Variants in ADAM17 observed in about 807,000 individuals in gnomAD.
The protein encoded by ADAM17 is ADAM metallopeptidase domain 17, also known as disintegrin and metalloproteinase domain-containing protein 17.
ADAM17 carries 39 observed loss-of-function variants against 96.7 expected under a neutral mutation model. The observed-to-expected ratio is 0.40, with a 90% CI of 0.31 to 0.53. The LOEUF is 0.53. Among genes scored for constraint, ADAM17 ranks in the 20% least tolerant of loss-of-function variants. The pLI, the probability that ADAM17 is intolerant of heterozygous loss-of-function variation, is 0.44. For missense variants in ADAM17, 777 were observed against 1,013.2 expected, an observed-to-expected ratio of 0.77 and a Z score of 3.17; for synonymous variants, 344 against 359.2, an observed-to-expected ratio of 0.96 and a Z score of 0.48.
rs370037406 is a variant in ADAM17 at position 9,490,390 on chromosome 2, C to G, written c.2262G>C (p.Leu754=). The G allele has an allele frequency of 9.3e-6, 15 of 1,614,064 alleles. No individual in the cohort carries two copies. Among genetic ancestry groups the G allele is most frequent in the African/African-American group, 2.7e-5 (2 of 74,984 alleles). Residue 754 remains leucine (L), a synonymous_variant, in exon 19 of 19, where the codon CTG becomes CTC. Transcript: ENST00000310823. ...GGATGGTGTCCATTCTCTGGTGGTC[C>G]AGTTTTGGAGCTGCTGGCGCCGAAG... The part of the protein sequence containing the change: ...VIPSAPAAPK[L]DHQRMDTIQE...
In ADAM17 at chr2:9,518,129, T is replaced by C; in HGVS notation, c.1076A>G (p.Asn359Ser). ...GLAYVGSPRANSHGGVCPKAY... is the reference protein window; with the variant it reads ...GLAYVGSPRASSHGGVCPKAY... ...CTTTGGACAAACACCTCCATGGCTG[T>C]TTGCTCTGGGAGAGCCAACATAAGC... Residue 359 changes from asparagine (N) to serine (S), a missense_variant, in exon 9 of 19, where the codon AAC (asparagine) becomes AGC (serine). Asn to Ser is a conservative substitution (Grantham distance 46). This residue lies in a region of ADAM17 where 446 missense variants were observed against 664.7 expected (regional missense o/e 0.67). Coordinates refer to ENST00000310823, the MANE Select transcript of ADAM17 (RefSeq NM_003183.6). The C allele has an allele frequency of 3.8e-6, 6 of 1,598,044 alleles. No individual in the cohort carries two copies. Among genetic ancestry groups the C allele is most frequent in the Non-Finnish European group, 5.1e-6 (6 of 1,175,338 alleles).
In ADAM17 at chr2:9,520,215, G is replaced by A. The variant is rs1240959583; in HGVS notation, c.957+988C>T. Reference sequence around the variant, plus strand: ...AGCTGCTCCACTTGTGATAATTAAAGCAACAACAAGAAACTAATAAACTTG... The same window carrying A: ...AGCTGCTCCACTTGTGATAATTAAAACAACAACAAGAAACTAATAAACTTG... On this transcript the variant is annotated intron_variant, in intron 8 of 18. Coordinates refer to ENST00000310823, the MANE Select transcript of ADAM17 (RefSeq NM_003183.6). Among the ~76,000 whole-genome samples the A allele has an allele frequency of 4.6e-5, 7 of 152,232 alleles. No homozygotes were observed. The South Asian group carries it at 1.5e-3, about 32-fold the overall frequency.
chr2:9,547,702 G>A (rs1006628752), intron 1 of ADAM17, among the ~76,000 whole-genome samples: 2 of 152,140 alleles, frequency 1.3e-5, no homozygotes, highest in African/African-American at 4.8e-5. Flanking sequence ...GAAGGGCTAT[G>A]GAAGGAAATC....
intron 4 of ADAM17, among the ~76,000 whole-genome samples, chr2:9,528,388 A>G (rs960015453): frequency 6.6e-5 from 10 of 152,222 alleles, no homozygotes; most frequent in African/African-American, 1.9e-4. Context: ...CTTAATACTT[A>G]GGTGTTTGAC....
intron 13 of ADAM17, among the ~76,000 whole-genome samples, chr2:9,499,502 C>T (rs1268302125): frequency 6.6e-5 from 10 of 151,854 alleles, no homozygotes; most frequent in African/African-American, 1.2e-4. Flanking sequence ...CCCGGGTTCA[C>T]GCCATTCTCC....
At chr2:9,540,969 G>A (rs1665183208) in intron 2 of ADAM17, among the ~76,000 whole-genome samples, 2 of 152,240 alleles carry the variant, frequency 1.3e-5, no homozygotes, top group Non-Finnish European at 1.5e-5. Context: ...CTCTTTGGGA[G>A]GAAAGAGCAA....
At chr2:9,502,827 C>T (rs111433022) in intron 12 of ADAM17, among the ~76,000 whole-genome samples, 31,558 of 140,552 alleles carry the variant, frequency 0.22, 4,318 homozygotes, top group Middle Eastern at 0.32. Flanking sequence ...TGCAGTGAGC[C>T]GAGATCGCAC....
chr2:9,518,009 G>C lies in ADAM17; in HGVS notation c.1103-20C>G, dbSNP rs755982472. 1 of 1,582,262 alleles carries C rather than the reference G, an allele frequency of 6.3e-7. No individual in the cohort carries two copies. The highest frequency in any genetic ancestry group is 8.6e-7 in the Non-Finnish European group (1 of 1,168,238). On this transcript the variant is annotated intron_variant, in intron 9 of 18. Coordinates refer to ENST00000310823, the MANE Select transcript of ADAM17 (RefSeq NM_003183.6). ...AATAAGCTAAAGTCAAAAGGAAACA[G>C]AGATAAATTGCTTATTAAATACAGA...
At chr2:9,532,698 G>T (rs929122049) in intron 4 of ADAM17, among the ~76,000 whole-genome samples, 1 of 145,714 alleles carries the variant, frequency 6.9e-6, no homozygotes, top group Non-Finnish European at 1.5e-5. Context: ...ATATTGCCTG[G>T]GCTGGTCTCA....
In ADAM17 at chr2:9,497,096, G is replaced by C; in HGVS notation, c.1783+18C>G. 2.5e-6 allele frequency: 4 copies of C among 1,610,354 alleles called. No homozygotes were observed. Among genetic ancestry groups the C allele is most frequent in the Non-Finnish European group, 3.4e-6 (4 of 1,178,446 alleles). Reference sequence around the variant, plus strand: ...CCATGTTTTCTCCTGCTGCTGGACTGGGAATAAAACTGCTCACCATTACAT... The same window carrying C: ...CCATGTTTTCTCCTGCTGCTGGACTCGGAATAAAACTGCTCACCATTACAT... On this transcript the variant is annotated intron_variant, in intron 14 of 18. Coordinates refer to ENST00000310823, the MANE Select transcript of ADAM17 (RefSeq NM_003183.6).
In ADAM17 at chr2:9,507,802, C is replaced by T. The variant is rs141321772; in HGVS notation, c.1344+2177G>A. Among the ~76,000 whole-genome samples, 33 of 152,214 alleles carry T rather than the reference C, an allele frequency of 2.2e-4. No individual in the cohort carries two copies. In the East Asian group the frequency reaches 5.6e-3, roughly 26 times the overall value. ...TAGCACAACCTTGGCTCACTGCCGC[C>T]TTGAACTCCCCGGGTTCCTCCTACC... On this transcript the variant is annotated intron_variant, in intron 11 of 18. Transcript: ENST00000310823.
intron 17 of ADAM17, among the ~76,000 whole-genome samples, chr2:9,491,505 ACC>A (rs1662147134): frequency 6.6e-6 from 1 of 152,222 alleles, no homozygotes; most frequent in Admixed American, 6.5e-5. Context: ...GTACACCAGG[ACC>A]GCACTGACTG....
chr2:9,517,586 T>C lies in ADAM17; in HGVS notation c.1191+315A>G, dbSNP rs530900884. On this transcript the variant is annotated intron_variant, in intron 10 of 18. Coordinates refer to ENST00000310823, the MANE Select transcript of ADAM17 (RefSeq NM_003183.6). The stretch of plus-strand genomic sequence containing the variant: ...GAAAATAAGAGGGTGTGGGATGCCT[T>C]GAATGACAGCTGCACTGCAGGACTA... Among the ~76,000 whole-genome samples the C allele has an allele frequency of 2.0e-5, 3 of 152,236 alleles. No homozygotes were observed. The South Asian group carries it at 6.2e-4, about 32-fold the overall frequency.
At chr2:9,549,356 T>C (rs146190357) in intron 1 of ADAM17, among the ~76,000 whole-genome samples, 1,810 of 152,284 alleles carry the variant, frequency 0.012, 29 homozygotes, top group African/African-American at 0.037. Flanking sequence ...GCCTAGGTGA[T>C]AGAGTGAGAC....
At chr2:9,507,219 G>A (rs185934073) in intron 11 of ADAM17, among the ~76,000 whole-genome samples, 9 of 152,274 alleles carry the variant, frequency 5.9e-5, no homozygotes, top group East Asian at 1.9e-4. Context: ...GCTGGGCACA[G>A]CAGCTCATGC....
At position 9,527,811 on chromosome 2, in the gene ADAM17, C is replaced by A; in HGVS notation, c.594G>T (p.Gly198=). ...KVDNEELLPK[G]LVDREPPEEL... The stretch of plus-strand genomic sequence containing the variant: ...CTTCAGGTGGTTCTCTGTCTACTAA[C>A]CCTTTTGGGAGCAACTCTTCATTAT... Residue 198 remains glycine, a synonymous_variant, in exon 5 of 19, where the codon GGG becomes GGT. Transcript: ENST00000310823. The A allele has an allele frequency of 6.3e-7, 1 of 1,597,702 alleles. No homozygotes were observed. Among genetic ancestry groups the A allele is most frequent in the Non-Finnish European group, 8.5e-7 (1 of 1,174,028 alleles).
chr2:9,504,820 G>A (rs1375267334), intron 12 of ADAM17, among the ~76,000 whole-genome samples: 1 of 151,382 alleles, frequency 6.6e-6, no homozygotes, highest in Non-Finnish European at 1.5e-5. Context: ...CAAGGAGCAT[G>A]CAAGGTCAAG....
At chr2:9,548,997 T>C (rs183649380) in intron 1 of ADAM17, among the ~76,000 whole-genome samples, 73 of 152,334 alleles carry the variant, frequency 4.8e-4, no homozygotes, top group African/African-American at 1.1e-3. Context: ...CTTTAATGCA[T>C]TGACATAAAG....
intron 10 of ADAM17, among the ~76,000 whole-genome samples, chr2:9,510,663 CAAA>C (rs57462514): frequency 3.5e-5 from 3 of 84,806 alleles, no homozygotes; most frequent in Non-Finnish European, 2.6e-5. Context: ...GACTTCGTCT[CAAA>C]AAAAAAAAAA....
Sources: allele counts gnomAD v4.1 joint callset (sites outside exome capture counted in the v4.1 genomes callset), GRCh38; gene constraint gnomAD v4.1.1; regional missense constraint gnomAD v4.1.1; transcripts MANE v1.5; gene names NCBI Gene and HGNC (gene_info 2026-07-23, HGNC 2026-07-21).